Variants in PRKCI observed in about 807,000 individuals in gnomAD.
PRKCI encodes the protein protein kinase C iota type.
Under a neutral mutation model 84.0 loss-of-function variants are expected in PRKCI, and 43 were observed. The ratio of observed to expected loss-of-function variants is 0.51; its 90% CI spans 0.40 to 0.66. PRKCI has a LOEUF of 0.66. PRKCI is among the 30% of genes least tolerant of loss of function. The probability of loss-of-function intolerance (pLI) is 0.00; values close to 1 mark genes in which losing one functional copy is unlikely to be tolerated. For synonymous variants in PRKCI, 216 were observed against 234.4 expected, an observed-to-expected ratio of 0.92 and a Z score of 0.72; for missense variants, 459 against 745.6, an observed-to-expected ratio of 0.62 and a Z score of 4.48.
Position 170,284,484 on chromosome 3 carries a change from T to C in PRKCI, c.1091T>C (p.Leu364Pro). ...AGATTTTACTCTGCAGAAATCAGTC[T>C]AGCATTAAATTATCTTCATGAGCGA... ...HARFYSAEIS[L>P]ALNYLHERGI... The change falls in exon 12 of 18, where the codon CTA becomes CCA. Residue 364 changes from leucine (L) to proline (P), a missense_variant. Around this residue, in one of 2 missense-constraint regions of PRKCI, gnomAD observed 209 missense variants for 425.9 expected, o/e 0.49. Coordinates refer to ENST00000295797, the MANE Select transcript of PRKCI (RefSeq NM_002740.6). 6.3e-7 allele frequency: 1 copy of C among 1,588,158 alleles called. No homozygotes were observed.
In PRKCI at chr3:170,295,981, T is replaced by C; in HGVS notation, c.1488T>C (p.Phe496=). Residue 496 remains phenylalanine, a synonymous_variant, in exon 15 of 18, where the codon TTT becomes TTC. Transcript: ENST00000295797. ...AAGCTGCAAGTGTTCTGAAGAGTTT[T>C]CTTAATAAGGTATAAATTGTGTATA... The part of the protein sequence containing the change: ...SVKAASVLKS[F]LNKDPKERLG... The C allele has an allele frequency of 6.5e-7, 1 of 1,543,360 alleles. No individual in the cohort carries two copies. Among genetic ancestry groups the C allele is most frequent in the South Asian group, 1.3e-5 (1 of 79,346 alleles).
intron 8 of PRKCI, among the ~76,000 whole-genome samples, chr3:170,278,423 G>A (rs1312444906): frequency 2.6e-5 from 4 of 152,112 alleles, no homozygotes; most frequent in Admixed American, 6.6e-5. Context: ...ACTTTAGACC[G>A]GGAGGATCAT....
Position 170,275,785 on chromosome 3 carries a change from C to T in PRKCI, c.705+498C>T, listed in dbSNP as rs547657403. ...AAAGATAATCATGTCTCCCACCTTC[C>T]ACTCCCAGTTTGGCTTCTTGGCAAC... is the stretch of plus-strand genomic sequence containing the variant. On this transcript the variant is annotated intron_variant, in intron 8 of 17. Coordinates refer to ENST00000295797, the MANE Select transcript of PRKCI (RefSeq NM_002740.6). Among the ~76,000 whole-genome samples the T allele has an allele frequency of 6.6e-5, 10 of 152,162 alleles. 1 individual carries two copies. Among genetic ancestry groups the T allele is most frequent in the South Asian group, 6.2e-4 (3 of 4,818 alleles).
chr3:170,281,159 A>T lies in PRKCI; in HGVS notation c.883-7A>T. The stretch of plus-strand genomic sequence containing the variant: ...TTGACATAGATTTCTTACATGTTTC[A>T]AAATAGGATATTGATTGGGTACAGA... On this transcript the variant is annotated splice_region_variant and splice_polypyrimidine_tract_variant and intron_variant, in intron 9 of 17. Coordinates refer to ENST00000295797, the MANE Select transcript of PRKCI (RefSeq NM_002740.6). 3.1e-6 allele frequency: 5 copies of T among 1,609,844 alleles called. No homozygotes were observed. The highest frequency in any genetic ancestry group is 4.2e-6 in the Non-Finnish European group (5 of 1,177,422).
intron 14 of PRKCI, among the ~76,000 whole-genome samples, chr3:170,293,761 T>C (rs956063037): frequency 1.3e-5 from 2 of 152,200 alleles, no homozygotes; most frequent in Admixed American, 1.3e-4. Flanking sequence ...CAAGCAATTC[T>C]TCTGCCTCAG....
intron 12 of PRKCI, 113 bp downstream of exon 12, chr3:170,284,709 A>G: frequency 8.0e-7 from 1 of 1,257,344 alleles, no homozygotes; most frequent in South Asian, 1.5e-5. Flanking sequence ...AATTTACTTA[A>G]GCTTTGTGGA....
Position 170,284,469 on chromosome 3 carries a change from C to G in PRKCI, c.1076C>G (p.Ser359Cys), listed in dbSNP as rs554687623. The G allele has an allele frequency of 7.3e-5, 114 of 1,570,306 alleles. No homozygotes were observed. In the South Asian group the frequency reaches 1.2e-3, roughly 17 times the overall value. The change falls in exon 12 of 18, where the codon TCT (serine) becomes TGT (cysteine). Residue 359 changes from serine to cysteine, a missense_variant. By Grantham distance (112) the Ser-to-Cys change is moderately radical. Coordinates refer to ENST00000295797, the MANE Select transcript of PRKCI (RefSeq NM_002740.6). ...KLPEEHARFY[S>C]AEISLALNYL... ...TTTTTATTTAATTTTAGATTTTACT[C>G]TGCAGAAATCAGTCTAGCATTAAAT...
In PRKCI at chr3:170,302,924, A is replaced by G. The variant is rs375950457; in HGVS notation, c.1704-116A>G. 55 of 637,308 alleles carry G rather than the reference A, an allele frequency of 8.6e-5. No homozygotes were observed. The African/African-American group carries it at 9.7e-4, about 11-fold the overall frequency. The allele number at this position is 637,308 out of a possible 1,614,324, so 39.5% of individuals were successfully genotyped here. ...ATCTGGGGGATTAATCTAAAAATTT[A>G]TAGATTTCCTTTCAGTACAATTAGC... On this transcript the variant is annotated intron_variant, in intron 17 of 17. Coordinates refer to ENST00000295797, the MANE Select transcript of PRKCI (RefSeq NM_002740.6).
chr3:170,251,094 T>A (rs1436472633), intron 2 of PRKCI, among the ~76,000 whole-genome samples: 1 of 152,078 alleles, frequency 6.6e-6, no homozygotes, highest in African/African-American at 2.4e-5. Flanking sequence ...TTAAAAAAAA[T>A]CTAGTAATAA....
rs992254123 is a variant in PRKCI at position 170,263,123 on chromosome 3, C to T, written c.314-256C>T. 4.0e-4 allele frequency among the ~76,000 whole-genome samples: 60 copies of T among 149,600 alleles called. 1 individual carries two copies. The highest frequency in any genetic ancestry group is 1.5e-3 in the African/African-American group (60 of 40,602). On this transcript the variant is annotated intron_variant, in intron 3 of 17. Transcript: ENST00000295797. ...GGCGGAGCTTGCAGTGAGTCGAGAT[C>T]GCGCCACTGCACTCCAGCCTGGGCG...
chr3:170,230,167 T>G (rs912951343), intron 1 of PRKCI, among the ~76,000 whole-genome samples: 11 of 145,186 alleles, frequency 7.6e-5, no homozygotes, highest in African/African-American at 2.8e-4. Flanking sequence ...TTATGCAACT[T>G]TTTTTTTTTT....
At position 170,281,900 on chromosome 3, in the gene PRKCI, G is replaced by A. The variant is rs748848619; in HGVS notation, c.999G>A (p.Glu333=). The change falls in exon 11 of 18, where the codon GAG becomes GAA. Residue 333 remains glutamate, a synonymous_variant. Transcript: ENST00000295797. ...GTTTTAGATTGTTCTTTGTTATAGA[G>A]TATGTAAATGGAGGAGACCTAATGT... ...QTESRLFFVI[E]YVNGGDLMFH... The A allele has an allele frequency of 1.2e-5, 19 of 1,610,234 alleles. No homozygotes were observed. In the South Asian group the frequency reaches 2.1e-4, roughly 18 times the overall value.
intron 12 of PRKCI, among the ~76,000 whole-genome samples, chr3:170,289,231 A>G (rs1259185914): frequency 6.6e-6 from 1 of 152,262 alleles, no homozygotes; most frequent in African/African-American, 2.4e-5. Flanking sequence ...GCCGTTGCCA[A>G]TAATAGAAAA....
intron 2 of PRKCI, among the ~76,000 whole-genome samples, chr3:170,241,272 A>G (rs937027919): frequency 3.4e-4 from 51 of 152,218 alleles, no homozygotes; most frequent in Admixed American, 3.3e-3. Flanking sequence ...GCTATGCAAT[A>G]GATCACCAGA....
At chr3:170,265,614 CTTTT>C (rs1182523109) in intron 4 of PRKCI, among the ~76,000 whole-genome samples, 2 of 147,462 alleles carry the variant, frequency 1.4e-5, no homozygotes, top group Non-Finnish European at 3.0e-5. Context: ...TCTAAACTTT[CTTTT>C]TCTTTTTTTT....
At chr3:170,238,208 G>T (rs899700569) in intron 2 of PRKCI, among the ~76,000 whole-genome samples, 9 of 152,026 alleles carry the variant, frequency 5.9e-5, no homozygotes, top group African/African-American at 1.9e-4. Context: ...ACTGAAAATA[G>T]AAAAATTACC....
intron 2 of PRKCI, among the ~76,000 whole-genome samples, chr3:170,251,820 G>A (rs1391714022): frequency 6.6e-6 from 1 of 151,712 alleles, no homozygotes; most frequent in African/African-American, 2.4e-5. Flanking sequence ...TGAGGCAGAA[G>A]AATTGCTTGA....
chr3:170,229,157 A>G (rs930660910), intron 1 of PRKCI, among the ~76,000 whole-genome samples: 1 of 152,152 alleles, frequency 6.6e-6, no homozygotes, highest in Non-Finnish European at 1.5e-5. Context: ...ATAGATATGT[A>G]TGTGCATACA....
At chr3:170,251,987 G>A (rs1328892798) in intron 2 of PRKCI, among the ~76,000 whole-genome samples, 1 of 152,046 alleles carries the variant, frequency 6.6e-6, no homozygotes, top group Admixed American at 6.6e-5. Context: ...AGGCCGAGGT[G>A]GGTGGATCCT....
Sources: allele counts gnomAD v4.1 joint callset (sites outside exome capture counted in the v4.1 genomes callset), GRCh38; gene constraint gnomAD v4.1.1; regional missense constraint gnomAD v4.1.1; transcripts MANE v1.5; gene names NCBI Gene and HGNC (gene_info 2026-07-23, HGNC 2026-07-21).